The following FNIP1 variants were observed in gnomAD, a reference collection of about 807,000 sequenced individuals.
FNIP1 encodes the protein folliculin-interacting protein 1.
A neutral mutation model predicts 124.5 loss-of-function variants in FNIP1; 40 were observed. The ratio of observed to expected loss-of-function variants is 0.32; its 90% CI spans 0.25 to 0.42. The LOEUF (loss-of-function observed/expected upper bound fraction) is 0.42, where lower values mean the gene tolerates loss of function less well. Among genes scored for constraint, FNIP1 ranks in the 10% least tolerant of loss-of-function variants. The pLI is 1.00. For synonymous variants in FNIP1, 472 were observed against 470.6 expected, an observed-to-expected ratio of 1.00 and a Z score of -0.04; for missense variants, 1,176 against 1,403.7, an observed-to-expected ratio of 0.84 and a Z score of 2.59.
chr5:131,736,707 T>C (rs552597865), intron 2 of FNIP1, among the ~76,000 whole-genome samples: 1 of 152,362 alleles, frequency 6.6e-6, no homozygotes, highest in African/African-American at 2.4e-5. Context: ...TGCAAGATTC[T>C]CAACTGGATC....
intron 15 of FNIP1, 24 bp from the exon 16 acceptor site, chr5:131,652,023 C>G (rs551127145): frequency 1.3e-6 from 2 of 1,592,478 alleles, no homozygotes; most frequent in South Asian, 1.1e-5. Context: ...AATAATTCAT[C>G]TTATGTTTAG....
rs76591618 is a variant in FNIP1, at chr5:131,645,765, A to G, written c.3423-1002T>C. 4.7e-3 allele frequency among the ~76,000 whole-genome samples: 717 copies of G among 152,318 alleles called. 9 individuals carry two copies. Among genetic ancestry groups the G allele is most frequent in the African/African-American group, 0.016 (681 of 41,568 alleles). On this transcript the variant is annotated intron_variant, in intron 17 of 17. Transcript: ENST00000510461. Reference sequence around the variant, plus strand: ...AGTAGCAAAAAACTAAAAATAATCTAAATTCCAACATATAAGGGAATGCTA... The same window carrying G: ...AGTAGCAAAAAACTAAAAATAATCTGAATTCCAACATATAAGGGAATGCTA...
Position 131,642,385 on chromosome 5 carries a change from C to A in FNIP1, c.*2300G>T, listed in dbSNP as rs1212118050. On this transcript the variant is annotated 3_prime_UTR_variant, in exon 18 of 18. Coordinates refer to ENST00000510461, the MANE Select transcript of FNIP1 (RefSeq NM_133372.3). ...AGGAATCCTATAAGGATTAATGATT[C>A]TTTAAGAAACTATAGGTCATTTCCT... is the stretch of plus-strand genomic sequence containing the variant. 6.6e-6 allele frequency: 1 copy of A among 152,268 alleles called. No homozygotes were observed. Among genetic ancestry groups the A allele is most frequent in the African/African-American group, 2.4e-5 (1 of 41,436 alleles). The allele number at this position is 152,268 out of a possible 1,614,324, so 9.4% of individuals were successfully genotyped here.
At chr5:131,706,140 A>C (rs931079847) in intron 9 of FNIP1, among the ~76,000 whole-genome samples, 2 of 152,192 alleles carry the variant, frequency 1.3e-5, no homozygotes, top group African/African-American at 4.8e-5. Flanking sequence ...AGCTGGGAAG[A>C]GGAAAAAGTT....
At chr5:131,648,106 G>C (rs1046847854) in intron 16 of FNIP1, among the ~76,000 whole-genome samples, 14 of 147,360 alleles carry the variant, frequency 9.5e-5, no homozygotes, top group Non-Finnish European at 1.9e-4. Context: ...GAGGCAGGAG[G>C]ATCATCTGAG....
At chr5:131,705,256 A>G (rs1769062654) in intron 9 of FNIP1, among the ~76,000 whole-genome samples, 1 of 151,884 alleles carries the variant, frequency 6.6e-6, no homozygotes, top group African/African-American at 2.4e-5. Context: ...GGATCACTCG[A>G]GCCCAGAAGT....
intron 2 of FNIP1, among the ~76,000 whole-genome samples, chr5:131,731,730 C>A (rs972527588): frequency 6.6e-6 from 1 of 151,888 alleles, no homozygotes; most frequent in Non-Finnish European, 1.5e-5. Context: ...CTTTTGTGTA[C>A]ATGGGTTATA....
chr5:131,746,908 T>C (rs982910439), intron 1 of FNIP1, among the ~76,000 whole-genome samples: 5 of 152,208 alleles, frequency 3.3e-5, no homozygotes, highest in African/African-American at 9.7e-5. Flanking sequence ...TGTGTAAGTA[T>C]TCCCTTTTCT....
rs1341984674 is a variant in FNIP1 at position 131,744,557 on chromosome 5, T to C, written c.219+7A>G. ...TAAAAGTCAACCAAATCAATAATGA[T>C]GCTCACCGATACTGATATGTCCTCA... On this transcript the variant is annotated splice_region_variant and intron_variant, in intron 2 of 17. Coordinates refer to ENST00000510461, the MANE Select transcript of FNIP1 (RefSeq NM_133372.3). The C allele has an allele frequency of 1.9e-6, 3 of 1,576,796 alleles. No homozygotes were observed. Among genetic ancestry groups the C allele is most frequent in the Non-Finnish European group, 2.6e-6 (3 of 1,161,104 alleles).
chr5:131,730,422 A>C (rs1362425314), intron 3 of FNIP1, among the ~76,000 whole-genome samples: 1 of 152,232 alleles, frequency 6.6e-6, no homozygotes, highest in Non-Finnish European at 1.5e-5. Context: ...CATGAGACCA[A>C]ATACTGATCT....
Position 131,699,445 on chromosome 5 carries a change from G to A in FNIP1, c.1117-443C>T, listed in dbSNP as rs1176798779. ...GTCTCACTCTGTCACCTAGGCTGGAGTGCAATGGCGCGATCTCGGCTCACT... is the reference window on the plus strand; with the variant it reads ...GTCTCACTCTGTCACCTAGGCTGGAATGCAATGGCGCGATCTCGGCTCACT... On this transcript the variant is annotated intron_variant, in intron 10 of 17. Transcript: ENST00000510461. 5.4e-5 allele frequency among the ~76,000 whole-genome samples: 8 copies of A among 148,488 alleles called. No individual in the cohort carries two copies. In the East Asian group the frequency reaches 9.9e-4, roughly 18 times the overall value.
chr5:131,690,118 G>C (rs1768425584), intron 11 of FNIP1, among the ~76,000 whole-genome samples: 1 of 152,138 alleles, frequency 6.6e-6, no homozygotes, highest in Non-Finnish European at 1.5e-5. Flanking sequence ...AGCTACTCAG[G>C]AGGCTGAGGC....
chr5:131,777,634 A>C (rs1288127983), intron 1 of FNIP1, among the ~76,000 whole-genome samples: 4 of 152,236 alleles, frequency 2.6e-5, no homozygotes, highest in Non-Finnish European at 5.9e-5. Flanking sequence ...AAGCTGCTAG[A>C]ACACTGAATC....
intron 12 of FNIP1, among the ~76,000 whole-genome samples, chr5:131,678,299 C>A (rs1417720650): frequency 6.6e-6 from 1 of 152,168 alleles, no homozygotes; most frequent in African/African-American, 2.4e-5. Context: ...ATAAAAACAA[C>A]TGAATTATTC....
At chr5:131,699,789 G>A (rs1045072415) in intron 10 of FNIP1, among the ~76,000 whole-genome samples, 5 of 151,240 alleles carry the variant, frequency 3.3e-5, no homozygotes, top group African/African-American at 4.8e-5. Context: ...GTTGACACAC[G>A]CCTGTAATCC....
chr5:131,712,269 A>AC (rs1769319170), intron 6 of FNIP1, among the ~76,000 whole-genome samples: 1 of 152,086 alleles, frequency 6.6e-6, no homozygotes, highest in African/African-American at 2.4e-5. Context: ...ATCAATTACT[A>AC]CTTCTAGTCT....
chr5:131,653,637 A>G (rs1767108932), intron 15 of FNIP1, among the ~76,000 whole-genome samples: 1 of 152,244 alleles, frequency 6.6e-6, no homozygotes, highest in Non-Finnish European at 1.5e-5. Flanking sequence ...AAATACTCAA[A>G]TCAAGTATGA....
At chr5:131,795,674 T>C (rs1394746485) in intron 1 of FNIP1, 1 of 152,248 alleles carries the variant, frequency 6.6e-6, no homozygotes, top group African/African-American at 2.4e-5. Context: ...CAATTCCATA[T>C]GCATTTACTG....
chr5:131,692,353 A>G (rs896302108), intron 11 of FNIP1, among the ~76,000 whole-genome samples: 11 of 152,004 alleles, frequency 7.2e-5, no homozygotes, highest in Admixed American at 2.6e-4. Context: ...GAGAAAATAT[A>G]CACAGGGTCT....
Sources: gnomAD v4.1 joint callset for allele counts (sites outside exome capture counted in the v4.1 genomes callset) on GRCh38, gnomAD v4.1.1 for gene constraint, MANE v1.5 for transcripts, NCBI Gene and HGNC (gene_info 2026-07-23, HGNC 2026-07-21) for gene names.